The following SP100 variants were observed in gnomAD, a reference collection of about 807,000 sequenced individuals.
SP100 encodes SP100 nuclear body protein, also known as nuclear autoantigen Sp-100.
In SP100, 84 loss-of-function variants were observed where a neutral mutation model predicts 130.0. That is an observed-to-expected ratio of 0.65 (90% CI 0.54 to 0.77). SP100 has a LOEUF of 0.77. SP100 is among the 30% of genes least tolerant of loss of function. SP100 has a pLI of 0.00. For missense variants in SP100, 978 were observed against 1,052.2 expected (o/e 0.93, Z 0.97); for synonymous variants, 331 against 351.7 (o/e 0.94, Z 0.66).
chr2:230,450,288 C>G, intron 8 of SP100, 33 bp downstream of exon 8: 1 of 1,518,714 alleles, frequency 6.6e-7, no homozygotes, highest in Non-Finnish European at 9.1e-7. Context: ...ATTTTCTTTC[C>G]TTTCTTATTC....
intron 17 of SP100, among the ~76,000 whole-genome samples, chr2:230,482,811 A>G (rs1349393437): frequency 1.3e-5 from 2 of 152,172 alleles, no homozygotes; most frequent in Non-Finnish European, 2.9e-5. Context: ...ATAACGTATT[A>G]ATATCAGGTA....
intron 2 of SP100, among the ~76,000 whole-genome samples, chr2:230,436,550 C>T (rs2063273386): frequency 6.6e-6 from 1 of 152,104 alleles, no homozygotes; most frequent in Non-Finnish European, 1.5e-5. Flanking sequence ...GCCTTGGTTC[C>T]CCTTCGCCTT....
intron 8 of SP100, among the ~76,000 whole-genome samples, chr2:230,458,471 T>G (rs915834857): frequency 3.9e-5 from 6 of 152,142 alleles, no homozygotes; most frequent in African/African-American, 1.2e-4. Flanking sequence ...AGTGGACTCA[T>G]GTAGTTCAAG....
chr2:230,500,203 T>C (rs1300622292), intron 19 of SP100, among the ~76,000 whole-genome samples: 1 of 152,240 alleles, frequency 6.6e-6, no homozygotes, highest in Non-Finnish European at 1.5e-5. Context: ...ACATGGTTAA[T>C]GTAGAATTAA....
intron 14 of SP100, 74 bp from the exon 15 acceptor site, chr2:230,469,941 T>G: frequency 6.5e-7 from 1 of 1,536,642 alleles, no homozygotes. Context: ...TGTTCAGTTT[T>G]GCTTTTAAAG....
Position 230,449,140 on chromosome 2 carries a change from A to T in SP100, c.576A>T (p.Pro192=). ...RSLTWPPSGS[P]SHAGTTPPEN... ...TGACTTGGCCACCTTCGGGTTCCCCATCTCATGCTGGTTTGTTCCTGTTTA... is the reference window on the plus strand; with the variant it reads ...TGACTTGGCCACCTTCGGGTTCCCCTTCTCATGCTGGTTTGTTCCTGTTTA... The change falls in exon 6 of 29, where the codon CCA becomes CCT. Residue 192 remains proline (P), a synonymous_variant. Coordinates refer to ENST00000340126, the MANE Select transcript of SP100 (RefSeq NM_001080391.2). 1 of 1,614,066 alleles carries T rather than the reference A, an allele frequency of 6.2e-7. No individual in the cohort carries two copies. The highest frequency in any genetic ancestry group is 8.5e-7 in the Non-Finnish European group (1 of 1,179,898).
At chr2:230,472,451 A>G (rs2065319176) in intron 15 of SP100, among the ~76,000 whole-genome samples, 1 of 147,312 alleles carries the variant, frequency 6.8e-6, no homozygotes, top group South Asian at 2.2e-4. Context: ...AAAAAAAAAA[A>G]AGTCAAGACA....
At chr2:230,519,887 T>G (rs542202357) in intron 24 of SP100, among the ~76,000 whole-genome samples, 18 of 152,244 alleles carry the variant, frequency 1.2e-4, no homozygotes, top group African/African-American at 4.3e-4. Flanking sequence ...TGGGTCCACT[T>G]ATCTAAGTAC....
intron 6 of SP100, 180 bp from the exon 7 acceptor site, chr2:230,449,381 G>A (rs1351218452): frequency 2.5e-6 from 2 of 807,910 alleles, no homozygotes; most frequent in Non-Finnish European, 2.1e-6. Context: ...TGCTGCCGCT[G>A]AGCCTGGTCG....
At chr2:230,426,784 C>CTA (rs1006737497) in intron 2 of SP100, among the ~76,000 whole-genome samples, 7 of 152,116 alleles carry the variant, frequency 4.6e-5, no homozygotes, top group African/African-American at 1.7e-4. Context: ...AAGTCTGGTT[C>CTA]AAGATCAATG....
chr2:230,473,941 A>G (rs1331147447), intron 16 of SP100, among the ~76,000 whole-genome samples: 2 of 152,090 alleles, frequency 1.3e-5, no homozygotes, highest in Admixed American at 6.6e-5. Flanking sequence ...TCATTTTGTC[A>G]CAACTTTGGA....
At chr2:230,474,663 C>T (rs551465097) in intron 17 of SP100, among the ~76,000 whole-genome samples, 53 of 152,196 alleles carry the variant, frequency 3.5e-4, no homozygotes, top group Middle Eastern at 3.4e-3. Context: ...ACAGATGGTT[C>T]TTCAGCCCAT....
intron 14 of SP100, 125 bp from the exon 15 acceptor site, chr2:230,469,890 A>G: frequency 6.6e-7 from 1 of 1,509,726 alleles, no homozygotes; most frequent in Non-Finnish European, 8.9e-7. Context: ...AGGGTGGCCT[A>G]GTGGTGGGAC....
rs545817375 is a variant in SP100 at position 230,468,110 on chromosome 2, C to A, written c.1291+895C>A. Among the ~76,000 whole-genome samples, 8 of 152,266 alleles carry A rather than the reference C, an allele frequency of 5.3e-5. No homozygotes were observed. In the South Asian group the frequency reaches 1.7e-3, roughly 32 times the overall value. ...AAAGGTGGGTGAGATAACTATTGTTCCCCCCATTTGACAGATGGGGAAACT... is the reference window on the plus strand; with the variant it reads ...AAAGGTGGGTGAGATAACTATTGTTACCCCCATTTGACAGATGGGGAAACT... On this transcript the variant is annotated intron_variant, in intron 13 of 28. Transcript: ENST00000340126.
chr2:230,421,553 C>CTATA (rs3997231), intron 2 of SP100, among the ~76,000 whole-genome samples: 13 of 147,932 alleles, frequency 8.8e-5, no homozygotes, highest in South Asian at 4.3e-4. Flanking sequence ...TTGAGAGACA[C>CTATA]TATATATATA....
At chr2:230,427,005 T>G (rs1257993809) in intron 2 of SP100, among the ~76,000 whole-genome samples, 1 of 152,214 alleles carries the variant, frequency 6.6e-6, no homozygotes, top group Non-Finnish European at 1.5e-5. Context: ...ATATTGATCT[T>G]CTGTATCTCT....
chr2:230,519,379 G>T (rs1487751940), intron 24 of SP100, among the ~76,000 whole-genome samples: 1 of 152,186 alleles, frequency 6.6e-6, no homozygotes, highest in East Asian at 1.9e-4. Context: ...AGAAAAAATT[G>T]TTGGTGATAA....
At chr2:230,532,264 CT>C (rs1232237386) in intron 24 of SP100, among the ~76,000 whole-genome samples, 3 of 151,906 alleles carry the variant, frequency 2.0e-5, no homozygotes, top group African/African-American at 7.2e-5. Context: ...AGTAATAGCA[CT>C]TTTTTATTTT....
At chr2:230,437,959 A>G (rs2063344473) in intron 2 of SP100, among the ~76,000 whole-genome samples, 1 of 152,244 alleles carries the variant, frequency 6.6e-6, no homozygotes, top group Admixed American at 6.5e-5. Context: ...GAATCAAAAA[A>G]CAGGGGTGAA....
Sources: gnomAD v4.1 joint callset for allele counts (sites outside exome capture counted in the v4.1 genomes callset) on GRCh38, gnomAD v4.1.1 for gene constraint, MANE v1.5 for transcripts, NCBI Gene and HGNC (gene_info 2026-07-23, HGNC 2026-07-21) for gene names.